The following DAPK2 variants were observed in gnomAD, a reference collection of about 807,000 sequenced individuals.
DAPK2 encodes the protein death associated protein kinase 2, also known as death-associated protein kinase 2.
DAPK2 carries 35 observed loss-of-function variants against 44.1 expected under a neutral mutation model. That is an observed-to-expected ratio of 0.79 (90% CI 0.61 to 1.05). The LOEUF (loss-of-function observed/expected upper bound fraction) is 1.05, where lower values mean the gene tolerates loss of function less well. DAPK2 is among the 50% of genes least tolerant of loss of function. The pLI is 0.00. For missense variants in DAPK2, 453 were observed against 483.2 expected, an observed-to-expected ratio of 0.94 and a Z score of 0.59; for synonymous variants, 174 against 182.6, an observed-to-expected ratio of 0.95 and a Z score of 0.38.
At chr15:64,044,500 C>T (rs1468935243), upstream of DAPK2, among the ~76,000 whole-genome samples, 1 of 152,152 alleles carries the variant, frequency 6.6e-6, no homozygotes, top group Non-Finnish European at 1.5e-5. Context: ...GTCTAACCCA[C>T]TTGTTTTTAC....
intron 1 of DAPK2, among the ~76,000 whole-genome samples, chr15:63,987,338 A>G (rs2078694237): frequency 6.6e-6 from 1 of 152,192 alleles, no homozygotes; most frequent in Non-Finnish European, 1.5e-5. Flanking sequence ...TACAGGGATG[A>G]TGGGTGGGAG....
intron 1 of DAPK2, among the ~76,000 whole-genome samples, chr15:64,002,815 C>A (rs1323579697): frequency 1.3e-5 from 2 of 152,144 alleles, no homozygotes. Flanking sequence ...TGTAAAGTAT[C>A]ATTCCTTAGA....
rs1160891512 is a variant in DAPK2, at chr15:64,002,937, T to G, written c.93-19183A>C. On this transcript the variant is annotated intron_variant, in intron 1 of 10. Coordinates refer to ENST00000261891, the Ensembl canonical transcript of DAPK2. ...GACACTGTGTGTGTGTGTGTGTGTGTGTGTGTGTGTGTGTGTGTGTGTGTG... is the reference window on the plus strand; with the variant it reads ...GACACTGTGTGTGTGTGTGTGTGTGGGTGTGTGTGTGTGTGTGTGTGTGTG... Among the ~76,000 whole-genome samples, 6 of 133,168 alleles carry G rather than the reference T, an allele frequency of 4.5e-5. No individual in the cohort carries two copies. In the Admixed American group the frequency reaches 4.7e-4, roughly 10 times the overall value. The allele number at this position is 133,168 out of a possible 152,430, so 87.4% of individuals were successfully genotyped here. A position where few individuals can be genotyped will look rare whatever the true frequency, so the allele number is the denominator to read the frequency against.
intron 1 of DAPK2, among the ~76,000 whole-genome samples, chr15:64,008,315 C>T (rs867454428): frequency 6.6e-6 from 1 of 152,134 alleles, no homozygotes; most frequent in Non-Finnish European, 1.5e-5. Context: ...CATATATTGG[C>T]CTCAGACAGT....
rs572660393 is a variant in DAPK2, at chr15:63,977,818, T to C, written c.314+5715A>G. Among the ~76,000 whole-genome samples, 52 of 152,322 alleles carry C rather than the reference T, an allele frequency of 3.4e-4. No individual in the cohort carries two copies. In the East Asian group the frequency reaches 9.5e-3, roughly 28 times the overall value. ...TGCCCAAGATCACACAGCTAGTAAG[T>C]GGCAGGACCAGGATTTAGACCCAGA... On this transcript the variant is annotated intron_variant, in intron 2 of 10. Transcript: ENST00000261891.
chr15:64,014,624 C>T (rs920794251), intron 1 of DAPK2, among the ~76,000 whole-genome samples: 5 of 152,146 alleles, frequency 3.3e-5, no homozygotes, highest in Non-Finnish European at 5.9e-5. Flanking sequence ...TATTATTACA[C>T]AAAAATAAGA....
upstream of DAPK2, among the ~76,000 whole-genome samples, chr15:64,043,131 A>T (rs1430989238): frequency 2.0e-5 from 3 of 152,206 alleles, no homozygotes; most frequent in East Asian, 5.8e-4. Flanking sequence ...CTTCCATGGA[A>T]AATGAACGTA....
chr15:64,011,141 T>C (rs1252843142), intron 1 of DAPK2, among the ~76,000 whole-genome samples: 2 of 152,060 alleles, frequency 1.3e-5, no homozygotes, highest in African/African-American at 2.4e-5. Context: ...ACAGCTCAGG[T>C]TGGAGTGGAA....
At chr15:64,016,190 C>T (rs1466814842) in intron 1 of DAPK2, among the ~76,000 whole-genome samples, 1 of 152,222 alleles carries the variant, frequency 6.6e-6, no homozygotes, top group Non-Finnish European at 1.5e-5. Flanking sequence ...GACACACGGC[C>T]TCTTACAGAT....
chr15:63,908,237 G>T lies in DAPK2; in HGVS notation c.*283C>A. Reference sequence around the variant, plus strand: ...GATGTCCTTTATATTGTTTTCCTAAGTCCACACTCCCACCCCAGACTCTGA... The same window carrying T: ...GATGTCCTTTATATTGTTTTCCTAATTCCACACTCCCACCCCAGACTCTGA... On this transcript the variant is annotated 3_prime_UTR_variant, in exon 11 of 11. Transcript: ENST00000261891. This position sits in a 1 kb window ranked among gnomAD's most constrained non-coding sequence, Gnocchi z 5.7. The T allele has an allele frequency of 3.4e-6, 1 of 292,820 alleles. No homozygotes were observed. The highest frequency in any genetic ancestry group is 6.3e-6 in the Non-Finnish European group (1 of 159,180). The allele number at this position is 292,820 out of a possible 1,614,324, so 18.1% of individuals were successfully genotyped here.
upstream of DAPK2, among the ~76,000 whole-genome samples, chr15:64,043,297 C>G (rs2080389563): frequency 6.6e-6 from 1 of 152,124 alleles, no homozygotes; most frequent in South Asian, 2.1e-4. Flanking sequence ...CCAAATGATC[C>G]ACGTTAGAAT....
Position 63,908,176 on chromosome 15 carries a change from G to A in DAPK2, c.*344C>T, listed in dbSNP as rs578140502. ...TGAACCCCCTCAGCCTGTGAAGAAG[G>A]CTGCCTTAGTCTGACCTTCACCCCG... On this transcript the variant is annotated 3_prime_UTR_variant, in exon 11 of 11. Coordinates refer to ENST00000261891, the Ensembl canonical transcript of DAPK2. This position sits in a 1 kb window ranked among gnomAD's most constrained non-coding sequence, Gnocchi z 5.7. 2.0e-4 allele frequency: 35 copies of A among 172,868 alleles called. No homozygotes were observed. The highest frequency in any genetic ancestry group is 4.0e-4 in the Non-Finnish European group (33 of 82,064). 10.7% of individuals were successfully genotyped at this position (172,868 alleles called of 1,614,324 possible).
rs2077239183 is a variant in DAPK2, at chr15:63,939,132, CTT to C, written c.583+98_583+99del. 1 of 1,544,174 alleles carries C rather than the reference CTT, an allele frequency of 6.5e-7. No individual in the cohort carries two copies. The highest frequency in any genetic ancestry group is 2.3e-5 in the East Asian group (1 of 44,174). ...CTAGAGATGTCCCAATGCATCATCTCTTTGCTCAGAGGCCATAGCCCCAGACA... is the reference window on the plus strand; with the variant it reads ...CTAGAGATGTCCCAATGCATCATCTCTGCTCAGAGGCCATAGCCCCAGACA... On this transcript the variant is annotated intron_variant, in intron 4 of 10. Transcript: ENST00000261891. This position sits in a 1 kb window ranked among gnomAD's most constrained non-coding sequence, Gnocchi z 4.3.
chr15:63,971,664 A>G (rs1326745329), intron 2 of DAPK2, 103 bp from the exon 4 acceptor site: 7 of 1,259,930 alleles, frequency 5.6e-6, no homozygotes, highest in East Asian at 5.0e-5. Flanking sequence ...CCCCCCAGGG[A>G]CCTTGTATGG....
At chr15:63,991,614 G>A (rs577548397) in intron 1 of DAPK2, among the ~76,000 whole-genome samples, 3 of 152,248 alleles carry the variant, frequency 2.0e-5, no homozygotes, top group East Asian at 3.9e-4. Context: ...CCACCCATGA[G>A]GCCTAAAGGG....
At chr15:64,022,659 A>G (rs965134673) in intron 1 of DAPK2, among the ~76,000 whole-genome samples, 6 of 152,190 alleles carry the variant, frequency 3.9e-5, no homozygotes, top group African/African-American at 1.4e-4. Flanking sequence ...CTACAAAAAA[A>G]TAACAAAAAA....
chr15:63,992,394 T>A (rs1235006469), intron 1 of DAPK2, among the ~76,000 whole-genome samples: 2 of 149,806 alleles, frequency 1.3e-5, no homozygotes, highest in Non-Finnish European at 3.0e-5. Flanking sequence ...CACCCATGCA[T>A]CCTCCTAACT....
chr15:63,982,604 C>T (rs755159343), intron 2 of DAPK2, among the ~76,000 whole-genome samples: 2 of 152,214 alleles, frequency 1.3e-5, no homozygotes, highest in Admixed American at 6.5e-5. Flanking sequence ...ACGATACCAG[C>T]GTGGCTAGCC....
At chr15:63,925,875 G>C in intron 7 of DAPK2, 66 bp downstream of exon 8, 1 of 1,596,854 alleles carries the variant, frequency 6.3e-7, no homozygotes, top group Non-Finnish European at 8.6e-7. Flanking sequence ...ATACTGACAG[G>C]TCTTTGACAG....
Sources: allele counts gnomAD v4.1 joint callset (sites outside exome capture counted in the v4.1 genomes callset), GRCh38; gene constraint gnomAD v4.1.1; non-coding constraint Gnocchi (gnomAD v3.1); transcripts MANE v1.5; gene names NCBI Gene and HGNC (gene_info 2026-07-23, HGNC 2026-07-21).